CCDC7: variants seen among roughly 807,000 people sequenced by gnomAD.
CCDC7 encodes coiled-coil domain containing 7.
Under a neutral mutation model 196.9 loss-of-function variants are expected in CCDC7, and 183 were observed. The observed-to-expected ratio is 0.93, with a 90% CI of 0.82 to 1.05. The LOEUF (loss-of-function observed/expected upper bound fraction) is 1.05, where lower values mean the gene tolerates loss of function less well. Among genes scored for constraint, CCDC7 ranks in the 50% least tolerant of loss-of-function variants. The pLI, the probability that CCDC7 is intolerant of heterozygous loss-of-function variation, is 0.00. For synonymous variants in CCDC7, 525 were observed against 484.6 expected (o/e 1.08, Z -1.10); for missense variants, 1,540 against 1,482.2 (o/e 1.04, Z -0.64).
At chr10:32,685,138 A>G (rs2141120756) in intron 21 of CCDC7, among the ~76,000 whole-genome samples, 1 of 150,300 alleles carries the variant, frequency 6.7e-6, no homozygotes. Context: ...GTATCTTTCT[A>G]ATTTCCTTTC....
intron 25 of CCDC7, among the ~76,000 whole-genome samples, chr10:32,720,992 G>A (rs1048996006): frequency 5.3e-5 from 8 of 152,106 alleles, no homozygotes; most frequent in Admixed American, 5.2e-4. Context: ...ACTTGCGGGT[G>A]CTGAAATGGA....
In CCDC7 at chr10:32,453,379, C is replaced by A. The variant is rs35410367; in HGVS notation, c.315C>A (p.Cys105Ter). ...CTTTGGAAGAAACCTATGGACATTG[C>A]GATCAGAATGGAGAAGAACCATTTG... Residue 105 changes from cysteine to a stop codon, truncating the protein, a stop_gained, in exon 2 of 42, where the codon TGC (cysteine) becomes TGA (stop). Coordinates refer to ENST00000639629, the Ensembl canonical transcript of CCDC7. LOFTEE classifies it high-confidence loss of function. 1.9e-6 allele frequency: 3 copies of A among 1,540,608 alleles called. No homozygotes were observed. Among genetic ancestry groups the A allele is most frequent in the Non-Finnish European group, 2.6e-6 (3 of 1,143,886 alleles).
chr10:32,594,909 CGTG>C, intron 18 of CCDC7, among the ~76,000 whole-genome samples: 1 of 152,138 alleles, frequency 6.6e-6, no homozygotes, highest in East Asian at 1.9e-4. Context: ...CCAACTTGAT[CGTG>C]GTGGATAAGC....
chr10:32,851,930 C>T (rs1392042493), exon 40 of CCDC7: 2 of 1,587,050 alleles, frequency 1.3e-6, no homozygotes, highest in African/African-American at 2.7e-5. Flanking sequence ...CAACTCCCTT[C>T]AGGTAATTTT....
At chr10:32,455,594 G>C (rs1730173191) in intron 2 of CCDC7, among the ~76,000 whole-genome samples, 1 of 152,168 alleles carries the variant, frequency 6.6e-6, no homozygotes, top group Non-Finnish European at 1.5e-5. Context: ...TAGGATTACA[G>C]GTGTGAGCCA....
At position 32,643,368 on chromosome 10, in the gene CCDC7, G is replaced by C. The variant is rs188950137; in HGVS notation, c.2014+8210G>C. On this transcript the variant is annotated intron_variant, in intron 20 of 41. Transcript: ENST00000639629. ...GTGGTGTATCTCTTTTCATCTACTT[G>C]TTTTCTGTCTTTCTGGATTTTTATA... 4.6e-5 allele frequency among the ~76,000 whole-genome samples: 7 copies of C among 151,856 alleles called. No homozygotes were observed. In the East Asian group the frequency reaches 1.4e-3, roughly 29 times the overall value.
At position 32,836,855 on chromosome 10, in the gene CCDC7, A is replaced by G. The variant is rs183934506; in HGVS notation, c.3352+1957A>G. On this transcript the variant is annotated intron_variant, in intron 33 of 41. Coordinates refer to ENST00000639629, the Ensembl canonical transcript of CCDC7. The stretch of plus-strand genomic sequence containing the variant: ...CAGATATTTAACAAATGGTGCTGGG[A>G]AAACTGGCTAGCCATATGTAGAAAG... Among the ~76,000 whole-genome samples, 27 of 152,256 alleles carry G rather than the reference A, an allele frequency of 1.8e-4. 1 individual carries two copies. In the East Asian group the frequency reaches 2.5e-3, roughly 14 times the overall value.
intron 20 of CCDC7, among the ~76,000 whole-genome samples, chr10:32,648,466 CAT>C (rs2068150702): frequency 6.6e-6 from 1 of 152,166 alleles, no homozygotes; most frequent in African/African-American, 2.4e-5. Context: ...CTGCAACAAA[CAT>C]ATGCATGCAT....
intron 28 of CCDC7, among the ~76,000 whole-genome samples, chr10:32,768,369 A>AT: frequency 6.6e-6 from 1 of 152,200 alleles, no homozygotes; most frequent in South Asian, 2.1e-4. Flanking sequence ...TTGTACATTG[A>AT]TTTTGTATCC....
chr10:32,625,360 T>A (rs1380601374), intron 18 of CCDC7, among the ~76,000 whole-genome samples: 2 of 151,838 alleles, frequency 1.3e-5, no homozygotes, highest in East Asian at 1.9e-4. Context: ...TTGTTTGACC[T>A]ATGTGTCTGT....
At position 32,828,416 on chromosome 10, in the gene CCDC7, GAGA is replaced by G. The variant is rs1555179191; in HGVS notation, c.3268+3824_3268+3826del. 4.9e-3 allele frequency among the ~76,000 whole-genome samples: 495 copies of G among 100,448 alleles called. 5 individuals are homozygous for G. The highest frequency in any genetic ancestry group is 0.016 in the East Asian group (36 of 2,262). 65.9% of individuals were successfully genotyped at this position (100,448 alleles called of 152,430 possible). ...AAAGAAGAAGAAGGAGAAGGAGAAGGAGAAGAAGAAGAAGGAAGGAAGGAGAAG... is the reference window on the plus strand; with the variant it reads ...AAAGAAGAAGAAGGAGAAGGAGAAGGAGAAGAAGAAGGAAGGAAGGAGAAG... On this transcript the variant is annotated intron_variant, in intron 32 of 41. Transcript: ENST00000639629.
chr10:32,488,651 G>T (rs573121464), intron 8 of CCDC7, among the ~76,000 whole-genome samples: 1 of 152,138 alleles, frequency 6.6e-6, no homozygotes, highest in African/African-American at 2.4e-5. Context: ...CAGAATTTCT[G>T]TATGGTTCTT....
intron 25 of CCDC7, among the ~76,000 whole-genome samples, chr10:32,720,227 T>C (rs2082204473): frequency 6.6e-6 from 1 of 151,944 alleles, no homozygotes. Context: ...AAAGGATGAG[T>C]TCATGTCCTT....
intron 11 of CCDC7, among the ~76,000 whole-genome samples, chr10:32,525,131 A>G (rs2048459914): frequency 6.6e-6 from 1 of 151,856 alleles, no homozygotes; most frequent in Admixed American, 6.6e-5. Context: ...AGCATTGGAC[A>G]AATACCTAAT....
At chr10:32,562,803 A>G (rs1354462624) in intron 13 of CCDC7, among the ~76,000 whole-genome samples, 1 of 152,100 alleles carries the variant, frequency 6.6e-6, no homozygotes. Context: ...GGCCAGGGCA[A>G]TTAGGCAGGA....
chr10:32,871,487 C>G (rs1263433121), intron 41 of CCDC7, among the ~76,000 whole-genome samples: 3 of 147,330 alleles, frequency 2.0e-5, no homozygotes, highest in Non-Finnish European at 4.4e-5. Context: ...TGATTCTTCT[C>G]TTTTTTCTTC....
chr10:32,678,776 G>T (rs2075411118), intron 21 of CCDC7, among the ~76,000 whole-genome samples: 1 of 152,214 alleles, frequency 6.6e-6, no homozygotes. Context: ...TGGGGAAGGT[G>T]TGACATGAGT....
intron 28 of CCDC7, among the ~76,000 whole-genome samples, chr10:32,774,828 G>A (rs2079730118): frequency 1.3e-5 from 2 of 152,148 alleles, no homozygotes; most frequent in Admixed American, 1.3e-4. Flanking sequence ...TAATAAAGTG[G>A]TTAGTGGAAT....
intron 21 of CCDC7, among the ~76,000 whole-genome samples, chr10:32,668,653 G>C (rs2073366425): frequency 6.6e-6 from 1 of 152,094 alleles, no homozygotes; most frequent in Admixed American, 6.6e-5. Context: ...CTTTGGTTCT[G>C]TTTATATGCT....
Sources: allele counts gnomAD v4.1 joint callset (sites outside exome capture counted in the v4.1 genomes callset), GRCh38; gene constraint gnomAD v4.1.1; transcripts MANE v1.5; gene names NCBI Gene and HGNC (gene_info 2026-07-23, HGNC 2026-07-21).